Variants in LY9 observed in about 807,000 individuals in gnomAD.
LY9 encodes lymphocyte antigen 9, also known as T-lymphocyte surface antigen Ly-9.
Under a neutral mutation model 64.6 loss-of-function variants are expected in LY9, and 59 were observed. The observed-to-expected ratio is 0.91, with a 90% CI of 0.74 to 1.13. The LOEUF (loss-of-function observed/expected upper bound fraction) is 1.13, where lower values mean the gene tolerates loss of function less well. Ranked by LOEUF, LY9 falls within the 50% of genes most tolerant of loss-of-function variation. LY9 has a pLI of 0.00. For missense variants in LY9, 789 were observed against 797.2 expected (o/e 0.99, Z 0.12); for synonymous variants, 281 against 308.5 (o/e 0.91, Z 0.93).
chr1:160,808,808 C>T (rs1033551492), intron 2 of LY9, among the ~76,000 whole-genome samples: 11 of 152,178 alleles, frequency 7.2e-5, no homozygotes, highest in Admixed American at 2.0e-4. Context: ...TCAGCCATTT[C>T]GAAGCCCCTT....
At chr1:160,822,669 T>G (rs1025564662) in intron 7 of LY9, among the ~76,000 whole-genome samples, 1 of 152,198 alleles carries the variant, frequency 6.6e-6, no homozygotes, top group Non-Finnish European at 1.5e-5. Flanking sequence ...TGTATCAAAA[T>G]GGGCTACTTC....
Position 160,827,774 on chromosome 1 carries a change from T to A in LY9, c.1926T>A (p.Asp642Glu), listed in dbSNP as rs933714914. Residue 642 changes from aspartate to glutamate, a missense_variant, in exon 10 of 10, where the codon GAT becomes GAA. Coordinates refer to ENST00000263285, the MANE Select transcript of LY9 (RefSeq NM_002348.4). Reference protein sequence around the residue: ...PQVVPPPQQNDLEIPESPTYE... With the variant: ...PQVVPPPQQNELEIPESPTYE... ...TGGTGCCACCACCACAACAGAATGA[T>A]CTTGAGATTCCTGAAAGTCCTACCT... 2.5e-6 allele frequency: 4 copies of A among 1,610,646 alleles called. No individual in the cohort carries two copies. The African/African-American group carries it at 5.4e-5, about 22-fold the overall frequency.
At chr1:160,809,816 A>G (rs762671328) in intron 2 of LY9, 1 of 152,210 alleles carries the variant, frequency 6.6e-6, no homozygotes, top group Non-Finnish European at 1.5e-5. Flanking sequence ...AGTAGTTACA[A>G]TAGTATTTCA....
intron 5 of LY9, among the ~76,000 whole-genome samples, chr1:160,817,080 T>C (rs565554939): frequency 1.3e-5 from 2 of 152,348 alleles, no homozygotes; most frequent in African/African-American, 2.4e-5. Context: ...TTTAATAATA[T>C]GTTTTATTTA....
At chr1:160,809,336 A>T (rs547170221) in intron 2 of LY9, among the ~76,000 whole-genome samples, 32 of 70,258 alleles carry the variant, frequency 4.6e-4, no homozygotes, top group African/African-American at 1.0e-3. Context: ...TCCTGAATTT[A>T]TTATTATTAT....
intron 2 of LY9, among the ~76,000 whole-genome samples, chr1:160,808,361 C>T (rs542344384): frequency 1.7e-4 from 26 of 152,214 alleles, no homozygotes; most frequent in African/African-American, 5.6e-4. Flanking sequence ...CCCAGGACAG[C>T]GTGCATTCTG....
At chr1:160,802,077 C>T in intron 2 of LY9, 1 of 1,388,776 alleles carries the variant, frequency 7.2e-7, no homozygotes, top group Non-Finnish European at 9.3e-7. Context: ...CACCCACCCG[C>T]CGCCTCCCAT....
chr1:160,815,343 A>AC (rs1553190503), intron 4 of LY9: 145 of 152,604 alleles, frequency 9.5e-4, no homozygotes, highest in Middle Eastern at 6.8e-3. Context: ...TCCGTCTAAA[A>AC]AAAACAAAAC....
Position 160,813,791 on chromosome 1 carries a change from G to A in LY9, c.610G>A (p.Gly204Ser). 6.2e-7 allele frequency: 1 copy of A among 1,614,160 alleles called. No individual in the cohort carries two copies. Among genetic ancestry groups the A allele is most frequent in the South Asian group, 1.1e-5 (1 of 91,078 alleles). Reference protein sequence around the residue: ...REPHASESNGGSILTVSRTPC... With the variant: ...REPHASESNGSSILTVSRTPC... ...ACCCCATGCTTCTGAGTCCAATGGAGGCTCCATTCTTACCGTCTCCCGAAC... is the reference window on the plus strand; with the variant it reads ...ACCCCATGCTTCTGAGTCCAATGGAAGCTCCATTCTTACCGTCTCCCGAAC... Residue 204 changes from glycine (G) to serine (S), a missense_variant, in exon 3 of 10, where the codon GGC (glycine) becomes AGC (serine). Physicochemically the swap from Gly to Ser is moderately conservative, Grantham distance 56 (BLOSUM62 0). Coordinates refer to ENST00000263285, the MANE Select transcript of LY9 (RefSeq NM_002348.4).
intron 1 of LY9, chr1:160,797,229 C>T (rs375707946): frequency 1.0e-6 from 1 of 985,568 alleles, no homozygotes; most frequent in Non-Finnish European, 1.2e-6. Context: ...CAGCTACTGT[C>T]CTTCTGTGCT....
intron 2 of LY9, chr1:160,810,450 T>C (rs1325298614): frequency 1.3e-5 from 2 of 152,230 alleles, no homozygotes; most frequent in African/African-American, 4.8e-5. Flanking sequence ...TTTGTCTGTG[T>C]TGTCTATGTC....
intron 9 of LY9, among the ~76,000 whole-genome samples, chr1:160,827,160 A>G (rs1322995137): frequency 1.3e-5 from 2 of 152,118 alleles, no homozygotes; most frequent in East Asian, 3.8e-4. Context: ...TCTCAAACCT[A>G]CTTTAGTTCT....
intron 7 of LY9, among the ~76,000 whole-genome samples, chr1:160,822,819 G>A (rs188445328): frequency 2.6e-5 from 4 of 152,262 alleles, no homozygotes; most frequent in Admixed American, 2.0e-4. Context: ...ATTGCCTAAG[G>A]CCTGACCATT....
Position 160,814,526 on chromosome 1 carries a change from G to A in LY9, c.837G>A (p.Lys279=), listed in dbSNP as rs1023088489. ...LALPACRDTE[K]VVWLFNTSII... is the part of the protein sequence containing the mutation. The stretch of plus-strand genomic sequence containing the variant: ...TCCCAGCCTGCCGGGACACAGAGAA[G>A]GTTGTCTGGTTGTTTAACACATCCA... The change falls in exon 4 of 10, where the codon AAG becomes AAA. Residue 279 remains lysine, a synonymous_variant. Transcript: ENST00000263285. 2 of 1,614,050 alleles carry A rather than the reference G, an allele frequency of 1.2e-6. No homozygotes were observed. The highest frequency in any genetic ancestry group is 1.7e-6 in the Non-Finnish European group (2 of 1,180,032).
At chr1:160,803,714 A>G (rs1666718824) in intron 2 of LY9, among the ~76,000 whole-genome samples, 1 of 152,150 alleles carries the variant, frequency 6.6e-6, no homozygotes, top group African/African-American at 2.4e-5. Context: ...TAGTTATAAG[A>G]TCATATCCTC....
chr1:160,827,861 A>G lies in LY9; in HGVS notation c.*45A>G. 3 of 1,538,206 alleles carry G rather than the reference A, an allele frequency of 2.0e-6. No homozygotes were observed. Among genetic ancestry groups the G allele is most frequent in the Non-Finnish European group, 2.7e-6 (3 of 1,120,490 alleles). On this transcript the variant is annotated 3_prime_UTR_variant, in exon 10 of 10. Coordinates refer to ENST00000263285, the MANE Select transcript of LY9 (RefSeq NM_002348.4). ...CTCTCTCCTGGGACCGTGGGGTTGG[A>G]AAGTCAGCTGGACCTCATGGGGCCT... is the stretch of plus-strand genomic sequence containing the variant.
At chr1:160,806,418 G>A (rs1268499407) in intron 2 of LY9, among the ~76,000 whole-genome samples, 1 of 152,120 alleles carries the variant, frequency 6.6e-6, no homozygotes, top group Admixed American at 6.5e-5. Flanking sequence ...ATTCCCTTGA[G>A]CATTTCTTGT....
intron 8 of LY9, 73 bp downstream of exon 8, chr1:160,823,869 T>G: frequency 8.0e-7 from 1 of 1,248,718 alleles, no homozygotes; most frequent in Non-Finnish European, 1.1e-6. Context: ...GGATGACTAG[T>G]TCCTCCAAAC....
In LY9 at chr1:160,796,286, G is replaced by A; in HGVS notation, c.99G>A (p.Gln33=). ...SQLQIFSSVL[Q]TSLLFLLMGL... The stretch of plus-strand genomic sequence containing the variant: ...TGCAAATATTCTCTTCTGTTCTACA[G>A]ACCTCTCTCCTCTTCCTGCTCATGG... Residue 33 remains glutamine (Q), a synonymous_variant, in exon 1 of 10, where the codon CAG becomes CAA. Transcript: ENST00000263285. The A allele has an allele frequency of 6.2e-7, 1 of 1,613,560 alleles. No individual in the cohort carries two copies. The highest frequency in any genetic ancestry group is 8.5e-7 in the Non-Finnish European group (1 of 1,179,986).
Sources: allele counts gnomAD v4.1 joint callset (sites outside exome capture counted in the v4.1 genomes callset), GRCh38; gene constraint gnomAD v4.1.1; transcripts MANE v1.5; gene names NCBI Gene and HGNC (gene_info 2026-07-23, HGNC 2026-07-21).